Variants in DLGAP1 observed in about 807,000 individuals in gnomAD.
DLGAP1 encodes disks large-associated protein 1.
Under a neutral mutation model 90.8 loss-of-function variants are expected in DLGAP1, and 11 were observed. That is an observed-to-expected ratio of 0.12 (90% confidence interval 0.08 to 0.20). The LOEUF (loss-of-function observed/expected upper bound fraction) is 0.20, where lower values mean the gene tolerates loss of function less well. Ranked by LOEUF, DLGAP1 falls within the 10% of genes least tolerant of loss-of-function variation. DLGAP1 has a pLI of 1.00. For synonymous variants in DLGAP1, 558 were observed against 540.7 expected, an observed-to-expected ratio of 1.03 and a Z score of -0.44; for missense variants, 1,050 against 1,333.8, an observed-to-expected ratio of 0.79 and a Z score of 3.31.
chr18:3,916,424 C>A (rs1330645363), intron 3 of DLGAP1, among the ~76,000 whole-genome samples: 3 of 152,112 alleles, frequency 2.0e-5, no homozygotes, highest in Non-Finnish European at 4.4e-5. Context: ...CAAATGGGGA[C>A]TATGAAAAAC....
chr18:3,588,367 G>A (rs693395), intron 7 of DLGAP1, among the ~76,000 whole-genome samples: 18,672 of 152,098 alleles, frequency 0.12, 1,190 homozygotes, highest in East Asian at 0.21. Context: ...GCTGAGGCAG[G>A]AGAATCACTT....
chr18:4,194,806 A>C (rs1308211128), intron 1 of DLGAP1, among the ~76,000 whole-genome samples: 1 of 152,184 alleles, frequency 6.6e-6, no homozygotes, highest in Non-Finnish European at 1.5e-5. Context: ...TGAGTAACAA[A>C]TCATAACTGT....
chr18:3,594,981 C>G lies in DLGAP1; in HGVS notation c.1592-12733G>C, dbSNP rs372691887. Among the ~76,000 whole-genome samples, 30 of 152,364 alleles carry G rather than the reference C, an allele frequency of 2.0e-4. 1 individual carries two copies. The East Asian group carries it at 3.7e-3, about 19-fold the overall frequency. ...ATTTCCAGACTGCAGGCCCAGCTACCCAGAGAGTGTGCCTCAAAGCCCCAC... is the reference window on the plus strand; with the variant it reads ...ATTTCCAGACTGCAGGCCCAGCTACGCAGAGAGTGTGCCTCAAAGCCCCAC... On this transcript the variant is annotated intron_variant, in intron 7 of 12. Coordinates refer to ENST00000315677, the MANE Select transcript of DLGAP1 (RefSeq NM_004746.4).
intron 1 of DLGAP1, among the ~76,000 whole-genome samples, chr18:4,305,612 A>T (rs2143347544): frequency 6.6e-6 from 1 of 152,110 alleles, no homozygotes; most frequent in Non-Finnish European, 1.5e-5. Context: ...CTTTACATGC[A>T]TGCTGTCTCA....
chr18:3,758,963 C>T (rs180674605), intron 5 of DLGAP1, among the ~76,000 whole-genome samples: 2 of 152,274 alleles, frequency 1.3e-5, no homozygotes, highest in Admixed American at 6.5e-5. Context: ...CAATGTGCCC[C>T]ATCCGAAGAT....
At chr18:3,964,021 G>A (rs910977695) in intron 3 of DLGAP1, among the ~76,000 whole-genome samples, 3 of 152,036 alleles carry the variant, frequency 2.0e-5, no homozygotes, top group East Asian at 1.9e-4. Context: ...ATTTAAAATC[G>A]TATACGTGGC....
rs548032187 is a variant in DLGAP1, at chr18:3,896,343, G to GTCAATCAATGCATCTCCACCA, written c.-72-16204_-72-16203insTGGTGGAGATGCATTGATTGA. On this transcript the variant is annotated intron_variant, in intron 3 of 12. Transcript: ENST00000315677. Reference sequence around the variant, plus strand: ...CAGGAACATCACAGCAGAGACCACCGTCAATCAATGCATCTCCACCGTCTT... The same window carrying GTCAATCAATGCATCTCCACCA: ...CAGGAACATCACAGCAGAGACCACCGTCAATCAATGCATCTCCACCATCAATCAATGCATCTCCACCGTCTT... 1.2e-4 allele frequency: 18 copies of GTCAATCAATGCATCTCCACCA among 152,260 alleles called. No homozygotes were observed. The East Asian group carries it at 2.3e-3, about 20-fold the overall frequency. The allele number at this position is 152,260 out of a possible 1,614,324, so 9.4% of individuals were successfully genotyped here.
At chr18:3,651,739 G>GGGTGCAGTGGCTCACGCCTGTAATCCC (rs2059312781) in intron 7 of DLGAP1, among the ~76,000 whole-genome samples, 1 of 152,070 alleles carries the variant, frequency 6.6e-6, no homozygotes, top group South Asian at 2.1e-4. Context: ...TTGGGAGGCC[G>GGGTGCAGTGGCTCACGCCTGTAATCCC]AGGTGGGTGG....
intron 3 of DLGAP1, among the ~76,000 whole-genome samples, chr18:3,903,066 G>A (rs548560466): frequency 3.3e-5 from 5 of 152,222 alleles, no homozygotes; most frequent in South Asian, 2.1e-4. Context: ...TTCCTTTAGC[G>A]CCCTGTACTC....
chr18:4,320,113 C>A (rs2080640583), intron 1 of DLGAP1, among the ~76,000 whole-genome samples: 1 of 152,146 alleles, frequency 6.6e-6, no homozygotes, highest in South Asian at 2.1e-4. Flanking sequence ...GTCCTAGGGG[C>A]ATTTCCCCCT....
At chr18:4,269,348 A>ATTT (rs1358148826) in intron 1 of DLGAP1, among the ~76,000 whole-genome samples, 5 of 133,476 alleles carry the variant, frequency 3.7e-5, no homozygotes, top group South Asian at 2.3e-4. Flanking sequence ...ATATATATAT[A>ATTT]TATATATTTT....
At chr18:3,895,834 CT>C (rs1196053565) in intron 3 of DLGAP1, 1 of 152,204 alleles carries the variant, frequency 6.6e-6, no homozygotes, top group African/African-American at 2.4e-5. Flanking sequence ...CAGTTAGAGG[CT>C]CCTGAACTAC....
chr18:4,046,903 G>C (rs900641681), intron 2 of DLGAP1, among the ~76,000 whole-genome samples: 1 of 152,184 alleles, frequency 6.6e-6, no homozygotes, highest in Non-Finnish European at 1.5e-5. Flanking sequence ...CAGGATAAAA[G>C]GTGCAAATCT....
intron 2 of DLGAP1, among the ~76,000 whole-genome samples, chr18:4,035,695 G>C (rs1247771906): frequency 1.3e-5 from 2 of 152,128 alleles, no homozygotes; most frequent in East Asian, 1.9e-4. Flanking sequence ...AAAAGCTTTC[G>C]TGCTACCATG....
At chr18:4,280,165 G>A (rs1422820880) in intron 1 of DLGAP1, among the ~76,000 whole-genome samples, 2 of 151,902 alleles carry the variant, frequency 1.3e-5, no homozygotes, top group African/African-American at 2.4e-5. Flanking sequence ...ATCTGTATAA[G>A]TTGATTAAAA....
At chr18:3,642,300 A>C (rs2058969712) in intron 7 of DLGAP1, among the ~76,000 whole-genome samples, 1 of 152,230 alleles carries the variant, frequency 6.6e-6, no homozygotes, top group Non-Finnish European at 1.5e-5. Flanking sequence ...CTGAAAATCC[A>C]AAATCCAAAA....
At chr18:3,599,752 T>C (rs2056793380) in intron 7 of DLGAP1, among the ~76,000 whole-genome samples, 1 of 151,808 alleles carries the variant, frequency 6.6e-6, no homozygotes, top group South Asian at 2.1e-4. Flanking sequence ...CCCGAGTAGC[T>C]GGGACTACAG....
At chr18:3,828,312 GGGGGCCA>G (rs2148533175) in intron 4 of DLGAP1, among the ~76,000 whole-genome samples, 1 of 152,228 alleles carries the variant, frequency 6.6e-6, no homozygotes, top group South Asian at 2.1e-4. Context: ...ATCAGCCTCT[GGGGGCCA>G]GGGGCAGTGG....
In DLGAP1 at chr18:4,051,319, G is replaced by A. The variant is rs116842332; in HGVS notation, c.-158-46118C>T. On this transcript the variant is annotated intron_variant, in intron 2 of 12. Transcript: ENST00000315677. ...GACTGGGTAATTTAGAAAGGAAAGAGGCTTAATTGACTCATAGTTCAGCAT... is the reference window on the plus strand; with the variant it reads ...GACTGGGTAATTTAGAAAGGAAAGAAGCTTAATTGACTCATAGTTCAGCAT... 4.1e-4 allele frequency among the ~76,000 whole-genome samples: 63 copies of A among 152,290 alleles called. 1 individual carries two copies. In the East Asian group the frequency reaches 0.011, roughly 27 times the overall value.
Sources: gnomAD v4.1 joint callset for allele counts (sites outside exome capture counted in the v4.1 genomes callset) on GRCh38, gnomAD v4.1.1 for gene constraint, MANE v1.5 for transcripts, NCBI Gene and HGNC (gene_info 2026-07-23, HGNC 2026-07-21) for gene names.